ROBO2: variants seen among roughly 807,000 people sequenced by gnomAD.
ROBO2 encodes the protein roundabout homolog 2.
In ROBO2, 53 loss-of-function variants were observed where a neutral mutation model predicts 160.8. That is an observed-to-expected ratio of 0.33 (90% confidence interval 0.26 to 0.41). The LOEUF is 0.41. Among genes scored for constraint, ROBO2 ranks in the 10% least tolerant of loss-of-function variants. The pLI is 1.00. For missense variants in ROBO2, 1,577 were observed against 1,722.4 expected, an observed-to-expected ratio of 0.92 and a Z score of 1.49; for synonymous variants, 664 against 611.7, an observed-to-expected ratio of 1.09 and a Z score of -1.26.
intron 2 of ROBO2, among the ~76,000 whole-genome samples, chr3:76,823,689 T>C (rs1236886004): frequency 7.9e-5 from 12 of 152,096 alleles, no homozygotes; most frequent in Non-Finnish European, 1.5e-5. Flanking sequence ...GCAAAGAGAA[T>C]AGCAAAGCCC....
chr3:77,143,258 A>G lies in ROBO2; in HGVS notation c.388+44918A>G, dbSNP rs1441806332. ...TGGAGTGCAGTGGTACAATCTTGAC[A>G]ATCTTGGCTCGCTGCAACCTCTGCC... On this transcript the variant is annotated intron_variant, in intron 2 of 25. Transcript: ENST00000461745. Among the ~76,000 whole-genome samples, 26 of 142,204 alleles carry G rather than the reference A, an allele frequency of 1.8e-4. No homozygotes were observed. In the Admixed American group the frequency reaches 1.9e-3, roughly 11 times the overall value. The allele number at this position is 142,204 out of a possible 152,430, so 93.3% of individuals were successfully genotyped here. A position where few individuals can be genotyped will look rare whatever the true frequency, so the allele number is the denominator to read the frequency against.
intron 2 of ROBO2, among the ~76,000 whole-genome samples, chr3:76,030,849 G>A (rs1017534246): frequency 3.9e-5 from 6 of 152,166 alleles, no homozygotes; most frequent in Non-Finnish European, 8.8e-5. Context: ...TGGCAATACA[G>A]GCTCTTTTTT....
chr3:76,452,739 C>G lies in ROBO2; in HGVS notation c.109+515137C>G, dbSNP rs1204375427. On this transcript the variant is annotated intron_variant, in intron 2 of 26. Transcript: ENST00000487694. ...GGTATTTCTAGTTCTAGATCCCTGA[C>G]GAATCGCCACACTGACTTCCACAAT... 2.6e-3 allele frequency among the ~76,000 whole-genome samples: 390 copies of G among 152,130 alleles called. 2 individuals are homozygous for G. Among genetic ancestry groups the G allele is most frequent in the African/African-American group, 6.7e-3 (278 of 41,440 alleles).
At chr3:76,869,342 G>GTT (rs34051755) in intron 2 of ROBO2, among the ~76,000 whole-genome samples, 5,096 of 71,252 alleles carry the variant, frequency 0.072, 607 homozygotes, top group Non-Finnish European at 0.08. Context: ...AGAAATTGAT[G>GTT]TTTTTTTTTT....
chr3:76,634,573 G>GAA (rs201395192), intron 2 of ROBO2, among the ~76,000 whole-genome samples: 16 of 114,758 alleles, frequency 1.4e-4, no homozygotes, highest in African/African-American at 9.5e-5. Flanking sequence ...GTCTCAAAGA[G>GAA]AAAAAAAAAA....
At chr3:76,564,469 A>G (rs942724189) in intron 2 of ROBO2, among the ~76,000 whole-genome samples, 2 of 151,780 alleles carry the variant, frequency 1.3e-5, no homozygotes, top group East Asian at 1.9e-4. Context: ...CTGTTGTAAC[A>G]TGGGATAATT....
At chr3:76,583,759 A>T (rs1363400561) in intron 2 of ROBO2, among the ~76,000 whole-genome samples, 1 of 152,118 alleles carries the variant, frequency 6.6e-6, no homozygotes, top group Non-Finnish European at 1.5e-5. Context: ...TGCAAAATCG[A>T]TGCCTTTAGC....
chr3:75,971,704 C>T (rs967885560), intron 2 of ROBO2, among the ~76,000 whole-genome samples: 103 of 151,474 alleles, frequency 6.8e-4, no homozygotes, highest in African/African-American at 2.4e-3. Flanking sequence ...TGGAAAACTT[C>T]AGGCTACATG....
intron 2 of ROBO2, among the ~76,000 whole-genome samples, chr3:76,944,673 A>G (rs116547401): frequency 0.029 from 4,475 of 152,282 alleles, 220 homozygotes; most frequent in African/African-American, 0.1. Flanking sequence ...ATATTTTTGA[A>G]TGGCCATGCA....
chr3:76,535,216 T>C (rs1219670268), intron 2 of ROBO2, among the ~76,000 whole-genome samples: 1 of 151,808 alleles, frequency 6.6e-6, no homozygotes, highest in African/African-American at 2.4e-5. Flanking sequence ...AAAGGATGGA[T>C]GGGAAGGATA....
At chr3:76,391,717 G>T (rs1003734301) in intron 2 of ROBO2, among the ~76,000 whole-genome samples, 2 of 152,028 alleles carry the variant, frequency 1.3e-5, no homozygotes, top group African/African-American at 4.8e-5. Context: ...CACCATGTTG[G>T]CCAGGCTTGT....
chr3:77,425,062 G>A (rs1156228805), intron 2 of ROBO2, among the ~76,000 whole-genome samples: 1 of 152,034 alleles, frequency 6.6e-6, no homozygotes, highest in Non-Finnish European at 1.5e-5. Flanking sequence ...TCTTACCCAT[G>A]GCTAATATTT....
chr3:77,327,167 A>G (rs992544651), intron 2 of ROBO2, among the ~76,000 whole-genome samples: 4 of 152,184 alleles, frequency 2.6e-5, no homozygotes, highest in Admixed American at 6.5e-5. Context: ...TTCAAAGCCT[A>G]TTGAACTCTC....
At chr3:76,587,261 C>G (rs2086105476) in intron 2 of ROBO2, among the ~76,000 whole-genome samples, 1 of 152,072 alleles carries the variant, frequency 6.6e-6, no homozygotes, top group Non-Finnish European at 1.5e-5. Flanking sequence ...AGATTAGGGG[C>G]TTTTCCTTTT....
At chr3:76,215,811 G>T (rs1703480469) in intron 2 of ROBO2, among the ~76,000 whole-genome samples, 1 of 152,062 alleles carries the variant, frequency 6.6e-6, no homozygotes, top group African/African-American at 2.4e-5. Flanking sequence ...TACAGAGAAT[G>T]CCACAAAGAT....
chr3:76,705,390 A>G (rs927803817), intron 2 of ROBO2, among the ~76,000 whole-genome samples: 2 of 152,160 alleles, frequency 1.3e-5, no homozygotes, highest in African/African-American at 4.8e-5. Flanking sequence ...TCATACACAC[A>G]GTGATAAATA....
intron 2 of ROBO2, among the ~76,000 whole-genome samples, chr3:76,971,007 G>T (rs761215105): frequency 1.3e-5 from 2 of 152,084 alleles, no homozygotes; most frequent in Non-Finnish European, 2.9e-5. Context: ...CTATGTGCCA[G>T]AATTCAAGTT....
intron 4 of ROBO2, among the ~76,000 whole-genome samples, chr3:77,488,346 C>T (rs747164724): frequency 6.6e-6 from 1 of 152,194 alleles, no homozygotes; most frequent in South Asian, 2.1e-4. Flanking sequence ...AATTAGAGAT[C>T]AGCCCATTCA....
Position 75,968,003 on chromosome 3 carries a change from C to A in ROBO2, c.109+30401C>A, listed in dbSNP as rs2324461. On this transcript the variant is annotated intron_variant, in intron 2 of 26. Coordinates refer to the ROBO2 transcript ENST00000487694. Reference sequence around the variant, plus strand: ...TTAAAGGCCACAGGAGAAGTATAATCTTGAAAAATAACTTCACATGCTAAT... The same window carrying A: ...TTAAAGGCCACAGGAGAAGTATAATATTGAAAAATAACTTCACATGCTAAT... 4.3e-3 allele frequency among the ~76,000 whole-genome samples: 650 copies of A among 151,604 alleles called. 31 individuals carry two copies. The East Asian group carries it at 0.11, about 26-fold the overall frequency.
Sources: gnomAD v4.1 joint callset for allele counts (sites outside exome capture counted in the v4.1 genomes callset) on GRCh38, gnomAD v4.1.1 for gene constraint, MANE v1.5 for transcripts, NCBI Gene and HGNC (gene_info 2026-07-23, HGNC 2026-07-21) for gene names.